Variants in RHOBTB3 observed in about 807,000 individuals in gnomAD.
The protein encoded by RHOBTB3 is Rho related BTB domain containing 3.
A neutral mutation model predicts 67.2 loss-of-function variants in RHOBTB3; 47 were observed. The ratio of observed to expected loss-of-function variants is 0.70; its 90% CI spans 0.55 to 0.89. The LOEUF is 0.89. RHOBTB3 is among the 40% of genes least tolerant of loss of function. RHOBTB3 has a pLI of 0.00. For synonymous variants in RHOBTB3, 273 were observed against 274.2 expected (o/e 1.00, Z 0.04); for missense variants, 631 against 750.0 (o/e 0.84, Z 1.85).
At chr5:95,791,457 C>T (rs1228537099) in intron 11 of RHOBTB3, among the ~76,000 whole-genome samples, 1 of 152,176 alleles carries the variant, frequency 6.6e-6, no homozygotes, top group Non-Finnish European at 1.5e-5. Context: ...CAGAGCTCAT[C>T]TCTAATAACT....
Position 95,720,255 on chromosome 5 carries a change from C to T in RHOBTB3, n.133+2490C>T, listed in dbSNP as rs1159386128. On this transcript the variant is annotated intron_variant and non_coding_transcript_variant, in intron 1 of 5. Transcript: ENST00000504949. The stretch of plus-strand genomic sequence containing the variant: ...AGAGGCAATGTCATCCTGAGGCCAG[C>T]CTGAGCAGCCCAGCTGGCCTCTCCC... Among the ~76,000 whole-genome samples the T allele has an allele frequency of 2.6e-5, 4 of 152,198 alleles. No individual in the cohort carries two copies. The East Asian group carries it at 7.7e-4, about 29-fold the overall frequency.
At position 95,793,190 on chromosome 5, in the gene RHOBTB3, C is replaced by A; in HGVS notation, c.*16C>A. 6.8e-7 allele frequency: 1 copy of A among 1,461,980 alleles called. No individual in the cohort carries two copies. Among genetic ancestry groups the A allele is most frequent in the Non-Finnish European group, 9.4e-7 (1 of 1,059,478 alleles). 90.6% of individuals were successfully genotyped at this position (1,461,980 alleles called of 1,614,324 possible). ...AGTAATGTAACCTGGAGCTTTTATA[C>A]ACTACATTTCTTTTTTATTATTATG... On this transcript the variant is annotated 3_prime_UTR_variant, in exon 12 of 12. Coordinates refer to ENST00000379982, the MANE Select transcript of RHOBTB3 (RefSeq NM_014899.4).
Position 95,741,686 on chromosome 5 carries a change from C to T in RHOBTB3, c.415+4611C>T, listed in dbSNP as rs144140718. The stretch of plus-strand genomic sequence containing the variant: ...TAATCTCTTTTAATCTGGAGCAGTA[C>T]GCCCAGTGGGTTTGGGGGGAGGGAC... On this transcript the variant is annotated intron_variant, in intron 3 of 11. Transcript: ENST00000379982. Among the ~76,000 whole-genome samples, 448 of 151,970 alleles carry T rather than the reference C, an allele frequency of 2.9e-3. 4 individuals are homozygous for T. Among genetic ancestry groups the T allele is most frequent in the African/African-American group, 0.01 (426 of 41,448 alleles).
chr5:95,781,520 T>A (rs1746045686), intron 9 of RHOBTB3: 1 of 152,224 alleles, frequency 6.6e-6, no homozygotes, highest in Non-Finnish European at 1.5e-5. Context: ...TTCTGTAGAG[T>A]ATTTTGGAGC....
At chr5:95,744,477 A>G (rs1457300377) in intron 3 of RHOBTB3, among the ~76,000 whole-genome samples, 1 of 152,028 alleles carries the variant, frequency 6.6e-6, no homozygotes, top group Non-Finnish European at 1.5e-5. Context: ...TTGCATTTTT[A>G]TATCCCTGGC....
chr5:95,731,381 G>C lies in RHOBTB3; in HGVS notation c.-302G>C. The C allele has an allele frequency of 8.6e-7, 1 of 1,163,922 alleles. No individual in the cohort carries two copies. The highest frequency in any genetic ancestry group is 1.1e-6 in the Non-Finnish European group (1 of 947,644). 72.1% of individuals were successfully genotyped at this position (1,163,922 alleles called of 1,614,324 possible). On this transcript the variant is annotated 5_prime_UTR_variant, in exon 1 of 12. Coordinates refer to ENST00000379982, the MANE Select transcript of RHOBTB3 (RefSeq NM_014899.4). Reference sequence around the variant, plus strand: ...AGCCGAGGAGGCGCGGCGGAGAGGGGACTGCGGTCAGCTGCGTCCACTTGG... The same window carrying C: ...AGCCGAGGAGGCGCGGCGGAGAGGGCACTGCGGTCAGCTGCGTCCACTTGG...
intron 6 of RHOBTB3, among the ~76,000 whole-genome samples, chr5:95,756,280 G>A (rs1745243229): frequency 6.6e-6 from 1 of 152,194 alleles, no homozygotes; most frequent in Non-Finnish European, 1.5e-5. Context: ...TGTGATTGAT[G>A]TATTTTACTT....
At chr5:95,776,670 A>G (rs1745893376) in intron 8 of RHOBTB3, among the ~76,000 whole-genome samples, 1 of 152,250 alleles carries the variant, frequency 6.6e-6, no homozygotes, top group Non-Finnish European at 1.5e-5. Flanking sequence ...GCCATGGGTC[A>G]GAAAGGCCTG....
At chr5:95,727,080 A>C (rs1755077017), upstream of RHOBTB3, among the ~76,000 whole-genome samples, 1 of 152,148 alleles carries the variant, frequency 6.6e-6, no homozygotes, top group Non-Finnish European at 1.5e-5. Context: ...AGTCTTAAAA[A>C]TTGCGTTTGT....
chr5:95,793,263 C>A lies in RHOBTB3; in HGVS notation c.*89C>A. 3.8e-6 allele frequency: 3 copies of A among 791,766 alleles called. No homozygotes were observed. The highest frequency in any genetic ancestry group is 2.7e-5 in the East Asian group (1 of 36,444). 49.0% of individuals were successfully genotyped at this position (791,766 alleles called of 1,614,324 possible). ...CCAGTAAAATTCTTCTGACCGAAACCAATGTGGGTGTTAGAAAAATTACCA... is the reference window on the plus strand; with the variant it reads ...CCAGTAAAATTCTTCTGACCGAAACAAATGTGGGTGTTAGAAAAATTACCA... On this transcript the variant is annotated 3_prime_UTR_variant, in exon 12 of 12. Transcript: ENST00000379982.
At chr5:95,768,955 G>A (rs532861340) in intron 8 of RHOBTB3, 7 of 182,220 alleles carry the variant, frequency 3.8e-5, no homozygotes, top group East Asian at 3.4e-4. Flanking sequence ...CTCACTGGCC[G>A]CTGACCTGCC....
chr5:95,792,972 T>G (rs1320248571), intron 11 of RHOBTB3, 87 bp from the exon 12 acceptor site: 1 of 864,000 alleles, frequency 1.2e-6, no homozygotes, highest in African/African-American at 1.7e-5. Context: ...CTGGATCTCA[T>G]CTATTAAAGA....
intron 2 of RHOBTB3, among the ~76,000 whole-genome samples, chr5:95,736,383 T>C (rs1389586158): frequency 6.6e-6 from 1 of 152,166 alleles, no homozygotes; most frequent in Non-Finnish European, 1.5e-5. Flanking sequence ...ATGGATAAAG[T>C]TGAAAAGTAT....
intron 3 of RHOBTB3, among the ~76,000 whole-genome samples, chr5:95,738,241 C>A (rs1755501588): frequency 6.6e-6 from 1 of 152,076 alleles, no homozygotes; most frequent in Admixed American, 6.5e-5. Context: ...ACCCCATATC[C>A]CCTCTACTTC....
chr5:95,757,063 T>A (rs1461658410), intron 6 of RHOBTB3, among the ~76,000 whole-genome samples: 1 of 152,192 alleles, frequency 6.6e-6, no homozygotes. Context: ...CCAGTGTTAG[T>A]TGAGGTCTAA....
upstream of RHOBTB3, among the ~76,000 whole-genome samples, chr5:95,726,970 T>C (rs1007054087): frequency 6.6e-6 from 1 of 152,118 alleles, no homozygotes; most frequent in Admixed American, 6.5e-5. Context: ...CCCCCCTTTT[T>C]TTTTTCAGTA....
upstream of RHOBTB3, among the ~76,000 whole-genome samples, chr5:95,728,353 C>G (rs1166068852): frequency 1.3e-5 from 2 of 152,152 alleles, no homozygotes; most frequent in East Asian, 3.8e-4. Context: ...TTCTTTATAC[C>G]TTTGCATGTG....
At chr5:95,783,561 CAAAAAAA>C (rs201633409) in intron 9 of RHOBTB3, 8,637 of 106,860 alleles carry the variant, frequency 0.081, 85 homozygotes, top group Middle Eastern at 0.18. Context: ...CCTGTCTCTA[CAAAAAAA>C]AAAAAAAAAA....
At chr5:95,738,650 C>T (rs1755516155) in intron 3 of RHOBTB3, among the ~76,000 whole-genome samples, 1 of 152,148 alleles carries the variant, frequency 6.6e-6, no homozygotes, top group Admixed American at 6.5e-5. Flanking sequence ...AGGAAGGTCT[C>T]ACCAGATGCT....
Sources: gnomAD v4.1 joint callset for allele counts (sites outside exome capture counted in the v4.1 genomes callset) on GRCh38, gnomAD v4.1.1 for gene constraint, MANE v1.5 for transcripts, NCBI Gene and HGNC (gene_info 2026-07-23, HGNC 2026-07-21) for gene names.